Variants in KLHL14 observed in about 807,000 individuals in gnomAD.
KLHL14 encodes the protein kelch like family member 14.
KLHL14 carries 22 observed loss-of-function variants against 64.3 expected under a neutral mutation model. The observed-to-expected ratio is 0.34, with a 90% CI of 0.24 to 0.49. The LOEUF is 0.49. Ranked by LOEUF, KLHL14 falls within the 20% of genes least tolerant of loss-of-function variation. The pLI is 0.99. For missense variants in KLHL14, 661 were observed against 789.0 expected (o/e 0.84, Z 1.94); for synonymous variants, 322 against 333.4 (o/e 0.97, Z 0.37).
chr18:32,711,920 C>T (rs966336015), intron 3 of KLHL14, among the ~76,000 whole-genome samples: 1 of 152,226 alleles, frequency 6.6e-6, no homozygotes, highest in East Asian at 1.9e-4. Context: ...GATAAATTTA[C>T]ATCGCTATGT....
At chr18:32,746,727 T>G (rs1026479090) in intron 2 of KLHL14, among the ~76,000 whole-genome samples, 1 of 152,216 alleles carries the variant, frequency 6.6e-6, no homozygotes, top group Non-Finnish European at 1.5e-5. Context: ...TATTTCTCAT[T>G]TATGAAAGAA....
Position 32,683,167 on chromosome 18 carries a change from C to T in KLHL14, c.1239-2568G>A, listed in dbSNP as rs1244091925. 1.3e-5 allele frequency among the ~76,000 whole-genome samples: 2 copies of T among 152,150 alleles called. No homozygotes were observed. Among genetic ancestry groups the T allele is most frequent in the African/African-American group, 4.8e-5 (2 of 41,426 alleles). ...TTCCTTCCTCACCGTGACACCTGGT[C>T]AGCCTGTCAGAACCTGCTCTCTTTT... On this transcript the variant is annotated intron_variant, in intron 5 of 8. Transcript: ENST00000359358. This position sits in a 1 kb window ranked among gnomAD's most constrained non-coding sequence, Gnocchi z 4.2.
At chr18:32,702,026 A>G (rs190801493) in intron 3 of KLHL14, among the ~76,000 whole-genome samples, 6 of 152,316 alleles carry the variant, frequency 3.9e-5, no homozygotes, top group African/African-American at 1.4e-4. Context: ...TATTTGTGCT[A>G]CAGGTGTAGC....
chr18:32,684,407 T>C (rs2049860153), intron 5 of KLHL14, among the ~76,000 whole-genome samples: 2 of 152,126 alleles, frequency 1.3e-5, no homozygotes, highest in Non-Finnish European at 2.9e-5. Flanking sequence ...ATCCTGGGAC[T>C]CAATCTGTCA....
In KLHL14 at chr18:32,728,975, G is replaced by A. The variant is rs553998990; in HGVS notation, c.1069+12953C>T. ...CCTGCTGACACCTTCATTTCGGCTA[G>A]TTTGCAGAACTGTGAGAGAATGAAT... is the stretch of plus-strand genomic sequence containing the variant. On this transcript the variant is annotated intron_variant, in intron 3 of 8. Coordinates refer to ENST00000359358, the MANE Select transcript of KLHL14 (RefSeq NM_020805.3). Among the ~76,000 whole-genome samples the A allele has an allele frequency of 2.0e-5, 3 of 152,332 alleles. No individual in the cohort carries two copies. In the East Asian group the frequency reaches 5.8e-4, roughly 29 times the overall value.
Position 32,674,754 on chromosome 18 carries a change from C to G in KLHL14, c.1790G>C (p.Gly597Ala), listed in dbSNP as rs1245988243. The change falls in exon 9 of 9, where the codon GGA (glycine) becomes GCA (alanine). Residue 597 changes from glycine (G) to alanine (A), a missense_variant. Gly to Ala is a moderately conservative substitution (Grantham distance 60). Coordinates refer to ENST00000359358, the MANE Select transcript of KLHL14 (RefSeq NM_020805.3). ...SSTICYCPEKGTWTELEGDVA... is the reference protein window; with the variant it reads ...SSTICYCPEKATWTELEGDVA... ...ATCTCCTTCGAGTTCTGTCCAGGTT[C>G]CTTTCTCTGGACAATAGCATATTGT... The G allele has an allele frequency of 1.3e-6, 1 of 780,932 alleles. No homozygotes were observed. Among genetic ancestry groups the G allele is most frequent in the Non-Finnish European group, 2.4e-6 (1 of 418,046 alleles). 48.4% of individuals were successfully genotyped at this position (780,932 alleles called of 1,614,324 possible).
chr18:32,681,134 A>C (rs1412080650), intron 5 of KLHL14, among the ~76,000 whole-genome samples: 2 of 152,162 alleles, frequency 1.3e-5, no homozygotes, highest in Non-Finnish European at 2.9e-5. Flanking sequence ...AACTTCATAT[A>C]ATGTTCAAAT....
chr18:32,750,638 C>T (rs1433594207), intron 2 of KLHL14, among the ~76,000 whole-genome samples: 1 of 152,210 alleles, frequency 6.6e-6, no homozygotes, highest in Non-Finnish European at 1.5e-5. Flanking sequence ...AGGGTAGTCA[C>T]CAAATCTTAC....
chr18:32,707,592 T>C (rs1598557417), intron 3 of KLHL14, among the ~76,000 whole-genome samples: 1 of 152,218 alleles, frequency 6.6e-6, no homozygotes, highest in Non-Finnish European at 1.5e-5. Flanking sequence ...TAGCCTGGAA[T>C]TTTGGTGTGT....
intron 2 of KLHL14, among the ~76,000 whole-genome samples, chr18:32,753,165 T>C (rs933712983): frequency 2.0e-5 from 3 of 152,168 alleles, no homozygotes; most frequent in African/African-American, 4.8e-5. Context: ...TAAAATGATT[T>C]CTTGTGTACC....
chr18:32,756,843 C>G (rs1183626079), intron 2 of KLHL14, among the ~76,000 whole-genome samples: 2 of 152,138 alleles, frequency 1.3e-5, no homozygotes, highest in Non-Finnish European at 2.9e-5. Flanking sequence ...GAAGTTCTGC[C>G]AAGGGAAGAA....
chr18:32,702,193 C>CG (rs1278103492), intron 3 of KLHL14, among the ~76,000 whole-genome samples: 4 of 152,112 alleles, frequency 2.6e-5, no homozygotes, highest in Admixed American at 1.3e-4. Flanking sequence ...AAGCATCATA[C>CG]TGCTAGAATA....
intron 3 of KLHL14, among the ~76,000 whole-genome samples, chr18:32,731,646 C>T (rs989216034): frequency 3.3e-5 from 5 of 151,882 alleles, no homozygotes; most frequent in Admixed American, 6.6e-5. Context: ...AAAAAGAAGT[C>T]GTTTCAGCTG....
chr18:32,760,864 G>A (rs911070643), intron 2 of KLHL14, among the ~76,000 whole-genome samples: 1 of 152,156 alleles, frequency 6.6e-6, no homozygotes, highest in South Asian at 2.1e-4. Flanking sequence ...GAGAGCTGTC[G>A]AAAATTCTAA....
At chr18:32,708,263 C>T (rs1301831142) in intron 3 of KLHL14, among the ~76,000 whole-genome samples, 1 of 152,160 alleles carries the variant, frequency 6.6e-6, no homozygotes. Context: ...CCACTAGTGC[C>T]CAGCACCATC....
chr18:32,743,192 CAAT>C (rs1334637042), intron 2 of KLHL14: 1 of 152,270 alleles, frequency 6.6e-6, no homozygotes. Context: ...AACGGAACAA[CAAT>C]GATTGAAGGA....
rs750731783 is a variant in KLHL14, at chr18:32,769,843, C to T, written c.749G>A (p.Arg250His). The change falls in exon 2 of 9, where the codon CGC becomes CAC. Residue 250 changes from arginine to histidine, a missense_variant. By Grantham distance (29) the Arg-to-His change is conservative. Transcript: ENST00000359358. ...AGGCGCATACTGCATGCGGGTCTCG[C>T]GGTCGTGCTCCAGCCACAGCACGGA... Reference protein sequence around the residue: ...QMSVLWLEHDRETRMQYAPDL... With the variant: ...QMSVLWLEHDHETRMQYAPDL... 2.5e-6 allele frequency: 4 copies of T among 1,613,772 alleles called. No individual in the cohort carries two copies. The South Asian group carries it at 3.3e-5, about 13-fold the overall frequency.
At chr18:32,704,007 C>A (rs933464559) in intron 3 of KLHL14, among the ~76,000 whole-genome samples, 4 of 152,082 alleles carry the variant, frequency 2.6e-5, no homozygotes, top group African/African-American at 9.7e-5. Flanking sequence ...CAATGTCTTC[C>A]TGATCATATT....
chr18:32,728,731 C>G (rs1357536), intron 3 of KLHL14, among the ~76,000 whole-genome samples: 44,931 of 151,970 alleles, frequency 0.3, 6,902 homozygotes, highest in African/African-American at 0.37. Context: ...ACCATTACAG[C>G]AAGACAAAAG....
Sources: allele counts gnomAD v4.1 joint callset (sites outside exome capture counted in the v4.1 genomes callset), GRCh38; gene constraint gnomAD v4.1.1; non-coding constraint Gnocchi (gnomAD v3.1); transcripts MANE v1.5; gene names NCBI Gene and HGNC (gene_info 2026-07-23, HGNC 2026-07-21).